RNGTT: variants seen among roughly 807,000 people sequenced by gnomAD.
The protein encoded by RNGTT is mRNA-capping enzyme.
In RNGTT, 33 loss-of-function variants were observed where a neutral mutation model predicts 79.3. The observed-to-expected ratio is 0.42, with a 90% CI of 0.32 to 0.56. The LOEUF is 0.56. RNGTT is among the 20% of genes least tolerant of loss of function. The pLI is 0.17. For missense variants in RNGTT, 497 were observed against 739.1 expected, an observed-to-expected ratio of 0.67 and a Z score of 3.80; for synonymous variants, 222 against 235.9, an observed-to-expected ratio of 0.94 and a Z score of 0.54.
chr6:88,822,556 A>T (rs1359693516), intron 11 of RNGTT, among the ~76,000 whole-genome samples: 1 of 152,208 alleles, frequency 6.6e-6, no homozygotes, highest in Non-Finnish European at 1.5e-5. Flanking sequence ...TCTGTCATAG[A>T]AAAATAGGTA....
chr6:88,874,593 T>C (rs1229003676), intron 8 of RNGTT, among the ~76,000 whole-genome samples: 1 of 151,814 alleles, frequency 6.6e-6, no homozygotes, highest in Non-Finnish European at 1.5e-5. Context: ...GCCACTTCCA[T>C]AATCACACAT....
intron 4 of RNGTT, among the ~76,000 whole-genome samples, chr6:88,927,355 C>T (rs932209759): frequency 4.0e-5 from 6 of 151,858 alleles, no homozygotes; most frequent in African/African-American, 1.5e-4. Flanking sequence ...GGTGAAACCC[C>T]ATCTCTACTA....
At chr6:88,919,428 A>G (rs945076786) in intron 4 of RNGTT, among the ~76,000 whole-genome samples, 2 of 152,210 alleles carry the variant, frequency 1.3e-5, no homozygotes, top group Admixed American at 6.5e-5. Context: ...ATGTTGGGGC[A>G]GTTTATAAAG....
intron 11 of RNGTT, among the ~76,000 whole-genome samples, chr6:88,842,321 TA>T (rs553665631): frequency 6.6e-6 from 1 of 151,686 alleles, no homozygotes; most frequent in Non-Finnish European, 1.5e-5. Flanking sequence ...TTATATGTCT[TA>T]AAAAAAACAG....
intron 13 of RNGTT, among the ~76,000 whole-genome samples, chr6:88,704,092 T>G (rs1171580763): frequency 6.6e-6 from 1 of 151,832 alleles, no homozygotes; most frequent in African/African-American, 2.4e-5. Context: ...ACTCCGACTC[T>G]ACTAAAAATA....
chr6:88,777,844 C>T (rs925904687), intron 12 of RNGTT, among the ~76,000 whole-genome samples: 9 of 152,126 alleles, frequency 5.9e-5, no homozygotes, highest in South Asian at 4.1e-4. Flanking sequence ...AATAGAAGCA[C>T]CAAGATGGGG....
chr6:88,954,302 A>G (rs985937240), intron 1 of RNGTT, among the ~76,000 whole-genome samples: 1 of 152,236 alleles, frequency 6.6e-6, no homozygotes, highest in African/African-American at 2.4e-5. Context: ...GATATTCTAC[A>G]CAACTGGAAA....
chr6:88,826,844 A>ATATATATG (rs1324159122), intron 11 of RNGTT, among the ~76,000 whole-genome samples: 29 of 118,776 alleles, frequency 2.4e-4, no homozygotes, highest in African/African-American at 7.4e-4. Context: ...ATATATATAT[A>ATATATATG]TGTGTGTGTG....
chr6:88,779,639 C>A (rs955685492), intron 12 of RNGTT, among the ~76,000 whole-genome samples: 1 of 152,034 alleles, frequency 6.6e-6, no homozygotes, highest in Admixed American at 6.6e-5. Context: ...ATTTGGAATA[C>A]TAGACTTGAT....
intron 1 of RNGTT, among the ~76,000 whole-genome samples, chr6:88,961,879 C>T (rs1280564329): frequency 6.6e-6 from 1 of 152,066 alleles, no homozygotes; most frequent in Non-Finnish European, 1.5e-5. Context: ...TTTGTAATAG[C>T]TAAAAACTGG....
intron 6 of RNGTT, among the ~76,000 whole-genome samples, chr6:88,893,128 A>C (rs1783109099): frequency 6.6e-6 from 1 of 152,146 alleles, no homozygotes; most frequent in South Asian, 2.1e-4. Flanking sequence ...TAAAGGAAAA[A>C]AAGAGTATTT....
chr6:88,658,950 C>CA (rs1774082920), intron 14 of RNGTT, among the ~76,000 whole-genome samples: 1 of 152,236 alleles, frequency 6.6e-6, no homozygotes, highest in African/African-American at 2.4e-5. Context: ...TTTTAGAACT[C>CA]AGACTGGCTT....
intron 13 of RNGTT, among the ~76,000 whole-genome samples, chr6:88,766,377 A>G (rs968246226): frequency 6.6e-6 from 1 of 152,164 alleles, no homozygotes; most frequent in Non-Finnish European, 1.5e-5. Context: ...AGCTTTTGAC[A>G]ATGACCATGG....
At chr6:88,912,323 T>C (rs1783853143) in intron 4 of RNGTT, among the ~76,000 whole-genome samples, 1 of 152,028 alleles carries the variant, frequency 6.6e-6, no homozygotes, top group African/African-American at 2.4e-5. Context: ...GCAGGAAGAC[T>C]GTTTGAGCCC....
At chr6:88,921,816 C>T (rs1200294960) in intron 4 of RNGTT, among the ~76,000 whole-genome samples, 2 of 151,536 alleles carry the variant, frequency 1.3e-5, no homozygotes, top group African/African-American at 4.9e-5. Context: ...AAAAATAATA[C>T]AAATTTAAAA....
chr6:88,763,754 T>C (rs908355068), intron 13 of RNGTT, among the ~76,000 whole-genome samples: 44 of 152,268 alleles, frequency 2.9e-4, no homozygotes, highest in Middle Eastern at 6.8e-3. Context: ...AGGGGTCCAA[T>C]GGTTGGAAGC....
chr6:88,925,514 GC>G, intron 4 of RNGTT, among the ~76,000 whole-genome samples: 1 of 151,378 alleles, frequency 6.6e-6, no homozygotes, highest in East Asian at 1.9e-4. Context: ...GATCACTTGA[GC>G]CCTGCAGACA....
Position 88,792,929 on chromosome 6 carries a change from C to T in RNGTT, c.1338+8635G>A, listed in dbSNP as rs145827421. Reference sequence around the variant, plus strand: ...AACTGGAGCCTATTCTGGATGGCACCGTTAATATATATTTATACTTAGAAT... The same window carrying T: ...AACTGGAGCCTATTCTGGATGGCACTGTTAATATATATTTATACTTAGAAT... On this transcript the variant is annotated intron_variant, in intron 12 of 15. Coordinates refer to ENST00000369485, the MANE Select transcript of RNGTT (RefSeq NM_003800.5). Among the ~76,000 whole-genome samples the T allele has an allele frequency of 6.2e-3, 938 of 152,104 alleles. 18 individuals are homozygous for T. Among genetic ancestry groups the T allele is most frequent in the African/African-American group, 0.021 (855 of 41,504 alleles).
intron 8 of RNGTT, among the ~76,000 whole-genome samples, chr6:88,859,203 C>T (rs1781932757): frequency 6.8e-6 from 1 of 147,842 alleles, no homozygotes; most frequent in Admixed American, 6.8e-5. Flanking sequence ...GTTATTTTAA[C>T]TTTTTTTTTT....
Sources: gnomAD v4.1 joint callset for allele counts (sites outside exome capture counted in the v4.1 genomes callset) on GRCh38, gnomAD v4.1.1 for gene constraint, MANE v1.5 for transcripts, NCBI Gene and HGNC (gene_info 2026-07-23, HGNC 2026-07-21) for gene names.